The following SLFN5 variants were observed in gnomAD, a reference collection of about 807,000 sequenced individuals.
The protein encoded by SLFN5 is schlafen family member 5.
SLFN5 carries 34 observed loss-of-function variants against 48.5 expected under a neutral mutation model. That is an observed-to-expected ratio of 0.70 (90% CI 0.53 to 0.93). The LOEUF is 0.93. Ranked by LOEUF, SLFN5 falls within the 40% of genes least tolerant of loss-of-function variation. SLFN5 has a pLI of 0.00. For synonymous variants in SLFN5, 387 were observed against 396.2 expected, an observed-to-expected ratio of 0.98 and a Z score of 0.28; for missense variants, 1,006 against 1,071.3, an observed-to-expected ratio of 0.94 and a Z score of 0.85.
intron 3 of SLFN5, among the ~76,000 whole-genome samples, chr17:35,262,247 G>A (rs1222475370): frequency 1.3e-5 from 2 of 151,776 alleles, no homozygotes; most frequent in Admixed American, 1.3e-4. Flanking sequence ...GGGTGTGGTG[G>A]CATGCGCCTG....
chr17:35,252,950 C>T (rs1234447386), intron 1 of SLFN5, among the ~76,000 whole-genome samples: 1 of 151,980 alleles, frequency 6.6e-6, no homozygotes, highest in African/African-American at 2.4e-5. Flanking sequence ...CTCCTTTCTC[C>T]CTCCCACCCC....
rs773654124 is a variant in SLFN5, at chr17:35,264,644, G to A, written c.1600G>A (p.Val534Met). Residue 534 changes from valine to methionine, a missense_variant, in exon 4 of 5, where the codon GTG becomes ATG. Val to Met is a conservative substitution (Grantham distance 21, BLOSUM62 1). Transcript: ENST00000299977. ...CATGGAAGCCCTGTTACAGTCCCTC[G>A]TGATAGTCTTGCTTGGGTTCAAATC... ...QHMEALLQSL[V>M]IVLLGFKSFL... The A allele has an allele frequency of 6.2e-6, 10 of 1,614,002 alleles. No homozygotes were observed. The highest frequency in any genetic ancestry group is 1.3e-5 in the African/African-American group (1 of 74,886).
In SLFN5 at chr17:35,269,869, A is replaced by G. The variant is rs1446956950; in HGVS notation, c.*3981A>G. ...AATGTCCATTACAGCAATTAACAAA[A>G]GTTAGGGAGTGGGGAAGTCTGAGTG... On this transcript the variant is annotated 3_prime_UTR_variant, in exon 5 of 5. Coordinates refer to ENST00000299977, the MANE Select transcript of SLFN5 (RefSeq NM_144975.4). 1.3e-5 allele frequency: 2 copies of G among 152,218 alleles called. No individual in the cohort carries two copies. The highest frequency in any genetic ancestry group is 1.5e-5 in the Non-Finnish European group (1 of 68,030). 9.4% of individuals were successfully genotyped at this position (152,218 alleles called of 1,614,324 possible). A position where few individuals can be genotyped will look rare whatever the true frequency, so the allele number is the denominator to read the frequency against.
intron 1 of SLFN5, among the ~76,000 whole-genome samples, chr17:35,253,247 A>G (rs535093540): frequency 2.3e-4 from 35 of 152,214 alleles, no homozygotes; most frequent in African/African-American, 7.7e-4. Flanking sequence ...CAATGGCCCT[A>G]TCTCCTAATA....
At position 35,259,092 on chromosome 17, in the gene SLFN5, G is replaced by A. The variant is rs141928271; in HGVS notation, c.402G>A (p.Leu134=). Residue 134 remains leucine (L), a synonymous_variant, in exon 2 of 5, where the codon CTG becomes CTA. Coordinates refer to ENST00000299977, the MANE Select transcript of SLFN5 (RefSeq NM_144975.4). ...ATGTCATGGATTCTCAGGAAGCTCT[G>A]GCATTCCTCAAATGCAGGACTCAGA... ...STDVMDSQEA[L]AFLKCRTQTP... is the part of the protein sequence containing the mutation. 12,288 of 1,614,050 alleles carry A rather than the reference G, an allele frequency of 7.6e-3. 61 individuals are homozygous for A. Among genetic ancestry groups the A allele is most frequent in the Non-Finnish European group, 9.1e-3 (10,680 of 1,180,008 alleles).
intron 3 of SLFN5, 140 bp downstream of exon 3, chr17:35,261,236 T>A: frequency 1.1e-6 from 1 of 935,500 alleles, no homozygotes; most frequent in Non-Finnish European, 1.5e-6. Context: ...TTAAAACTTT[T>A]AGTAGAAAGT....
intron 1 of SLFN5, among the ~76,000 whole-genome samples, chr17:35,253,261 G>T (rs4796066): frequency 0.78 from 118,649 of 151,984 alleles, 46,558 homozygotes; most frequent in South Asian, 0.84. Context: ...CCTAATACCA[G>T]CACCTTTAGG....
chr17:35,244,001 GTCTT>G (rs1207910528), intron 1 of SLFN5, among the ~76,000 whole-genome samples: 1 of 152,152 alleles, frequency 6.6e-6, no homozygotes, highest in Non-Finnish European at 1.5e-5. Flanking sequence ...TCGGGGAAAA[GTCTT>G]TCTTCGTCTC....
intron 3 of SLFN5, among the ~76,000 whole-genome samples, chr17:35,263,234 G>A (rs1489758929): frequency 2.0e-5 from 3 of 152,032 alleles, no homozygotes; most frequent in Non-Finnish European, 2.9e-5. Context: ...GGGTTTAAGC[G>A]ATTCTCGTGC....
chr17:35,250,442 G>C (rs1275363228), intron 1 of SLFN5, among the ~76,000 whole-genome samples: 1 of 152,068 alleles, frequency 6.6e-6, no homozygotes, highest in African/African-American at 2.4e-5. Context: ...GGCGGATCAC[G>C]AGGTCAGATC....
In SLFN5 at chr17:35,266,177, T is replaced by TGCGC. The variant is rs549012700; in HGVS notation, c.*296_*299dup. The TGCGC allele has an allele frequency of 0.11, 18,183 of 172,744 alleles. 995 individuals are homozygous for TGCGC. The highest frequency in any genetic ancestry group is 0.13 in the East Asian group (976 of 7,274). 10.7% of individuals were successfully genotyped at this position (172,744 alleles called of 1,614,324 possible). ...GTGTGTGTGTGTGTGTGTGTGTGTG[T>TGCGC]GCGCGCGCGCACGTGCACATGTGTG... is the stretch of plus-strand genomic sequence containing the variant. On this transcript the variant is annotated 3_prime_UTR_variant, in exon 5 of 5. Coordinates refer to ENST00000299977, the MANE Select transcript of SLFN5 (RefSeq NM_144975.4).
intron 2 of SLFN5, among the ~76,000 whole-genome samples, chr17:35,260,619 A>T (rs970030043): frequency 6.6e-6 from 1 of 150,404 alleles, no homozygotes; most frequent in Non-Finnish European, 1.5e-5. Context: ...CCAGCTGCTC[A>T]GGAGGATTGC....
rs1327791160 is a variant in SLFN5, at chr17:35,259,566, T to C, written c.876T>C (p.Tyr292=). The C allele has an allele frequency of 6.2e-7, 1 of 1,613,822 alleles. No individual in the cohort carries two copies. The highest frequency in any genetic ancestry group is 1.7e-5 in the Admixed American group (1 of 60,030). The change falls in exon 2 of 5, where the codon TAT becomes TAC. Residue 292 remains tyrosine (Y), a synonymous_variant. Transcript: ENST00000299977. ...ATGATAAGGGGGCCCTCCGTGGATA[T>C]GTCTGTGCAATCAAGGTGGAGAAAT... is the stretch of plus-strand genomic sequence containing the variant. ...EVHDKGALRG[Y]VCAIKVEKFC...
At position 35,264,360 on chromosome 17, in the gene SLFN5, G is replaced by A. The variant is rs1904610549; in HGVS notation, c.1316G>A (p.Cys439Tyr). The A allele has an allele frequency of 1.2e-6, 2 of 1,614,104 alleles. No homozygotes were observed. The highest frequency in any genetic ancestry group is 1.6e-4 in the Middle Eastern group (1 of 6,084). Residue 439 changes from cysteine to tyrosine, a missense_variant, in exon 4 of 5, where the codon TGT (cysteine) becomes TAT (tyrosine). Physicochemically the swap from Cys to Tyr is radical, Grantham distance 194. Transcript: ENST00000299977. The stretch of plus-strand genomic sequence containing the variant: ...CTGCAAGAGAAGCAGGGAGTCATCT[G>A]TGATGCTCTTCTAATTTCCCAGAAC... ...LGLQEKQGVICDALLISQNNT... is the reference protein window; with the variant it reads ...LGLQEKQGVIYDALLISQNNT...
chr17:35,254,738 C>T (rs1309567792), intron 1 of SLFN5, among the ~76,000 whole-genome samples: 2 of 152,296 alleles, frequency 1.3e-5, no homozygotes, highest in South Asian at 4.1e-4. Context: ...GGATTTCGGC[C>T]GGGCGTGGTG....
intron 3 of SLFN5, 43 bp downstream of exon 3, chr17:35,261,139 C>A: frequency 1.3e-6 from 2 of 1,589,572 alleles, no homozygotes; most frequent in South Asian, 1.1e-5. Context: ...GTTGATTGTT[C>A]ATTCATATAA....
At position 35,265,753 on chromosome 17, in the gene SLFN5, A is replaced by G. The variant is rs1293827076; in HGVS notation, c.2541A>G (p.Arg847=). 6.2e-7 allele frequency: 1 copy of G among 1,614,004 alleles called. No homozygotes were observed. The highest frequency in any genetic ancestry group is 1.3e-5 in the African/African-American group (1 of 74,902). Residue 847 remains arginine, a synonymous_variant, in exon 5 of 5, where the codon CGA becomes CGG. Coordinates refer to ENST00000299977, the MANE Select transcript of SLFN5 (RefSeq NM_144975.4). ...ACATTGTGTTGGACAGTGTCTGTCGATTTTCAGGCCTGGAAAGAAATATCG... is the reference window on the plus strand; with the variant it reads ...ACATTGTGTTGGACAGTGTCTGTCGGTTTTCAGGCCTGGAAAGAAATATCG... ...TDHIVLDSVC[R]FSGLERNIVF...
In SLFN5 at chr17:35,271,525, A is replaced by G. The variant is rs1904831238; in HGVS notation, c.*5637A>G. On this transcript the variant is annotated 3_prime_UTR_variant, in exon 5 of 5. Transcript: ENST00000299977. ...AGATAAAATAATTAAGAATAACTGCAACAAGAAAATATAAGTTCTGCAACA... is the reference window on the plus strand; with the variant it reads ...AGATAAAATAATTAAGAATAACTGCGACAAGAAAATATAAGTTCTGCAACA... 6.6e-6 allele frequency: 1 copy of G among 152,226 alleles called. No homozygotes were observed. Among genetic ancestry groups the G allele is most frequent in the Non-Finnish European group, 1.5e-5 (1 of 68,042 alleles). The allele number at this position is 152,226 out of a possible 1,614,324, so 9.4% of individuals were successfully genotyped here.
At chr17:35,253,370 C>CTCTT (rs1484774335) in intron 1 of SLFN5, among the ~76,000 whole-genome samples, 1 of 151,884 alleles carries the variant, frequency 6.6e-6, no homozygotes, top group Non-Finnish European at 1.5e-5. Context: ...CTCTCTCTCT[C>CTCTT]TCTCTCTTTT....
Sources: allele counts gnomAD v4.1 joint callset (sites outside exome capture counted in the v4.1 genomes callset), GRCh38; gene constraint gnomAD v4.1.1; transcripts MANE v1.5; gene names NCBI Gene and HGNC (gene_info 2026-07-23, HGNC 2026-07-21).